Variants in GABRA2 observed in about 807,000 individuals in gnomAD.
The protein encoded by GABRA2 is gamma-aminobutyric acid receptor subunit alpha-2.
Under a neutral mutation model 48.7 loss-of-function variants are expected in GABRA2, and 16 were observed. That is an observed-to-expected ratio of 0.33 (90% CI 0.22 to 0.50). The LOEUF is 0.50. Ranked by LOEUF, GABRA2 falls within the 20% of genes least tolerant of loss-of-function variation. The pLI is 0.98. For missense variants in GABRA2, 275 were observed against 535.6 expected (o/e 0.51, Z 4.80); for synonymous variants, 185 against 184.5 (o/e 1.00, Z -0.02).
At chr4:46,289,700 T>C (rs533933667) in intron 8 of GABRA2, among the ~76,000 whole-genome samples, 7 of 152,206 alleles carry the variant, frequency 4.6e-5, no homozygotes, top group Non-Finnish European at 1.0e-4. Context: ...TGAACATAAA[T>C]AAAAGTTACA....
At chr4:46,337,594 A>G (rs1732473670) in intron 3 of GABRA2, among the ~76,000 whole-genome samples, 1 of 151,508 alleles carries the variant, frequency 6.6e-6, no homozygotes, top group Admixed American at 6.6e-5. Flanking sequence ...GCAAGCCGAG[A>G]CAAAGTAGAC....
intron 3 of GABRA2, among the ~76,000 whole-genome samples, chr4:46,369,587 G>A (rs1714573484): frequency 1.3e-5 from 2 of 152,020 alleles, no homozygotes; most frequent in East Asian, 1.9e-4. Flanking sequence ...TATGAGTTTA[G>A]TTCCTAGAAA....
chr4:46,388,065 G>GA (rs554979363), intron 2 of GABRA2, among the ~76,000 whole-genome samples: 6 of 151,952 alleles, frequency 3.9e-5, no homozygotes, highest in African/African-American at 1.4e-4. Context: ...AAGCATTTGA[G>GA]AAAAAAATCT....
chr4:46,383,199 T>C (rs1362893803), intron 3 of GABRA2, among the ~76,000 whole-genome samples: 2 of 152,292 alleles, frequency 1.3e-5, no homozygotes, highest in African/African-American at 4.8e-5. Context: ...ATATATTATA[T>C]TTAATATTCA....
chr4:46,370,591 T>C (rs2109997528), intron 3 of GABRA2, among the ~76,000 whole-genome samples: 1 of 152,242 alleles, frequency 6.6e-6, no homozygotes, highest in South Asian at 2.1e-4. Flanking sequence ...ATGCATTCAT[T>C]ACTATCTTAC....
intron 3 of GABRA2, among the ~76,000 whole-genome samples, chr4:46,357,283 G>A (rs1405217762): frequency 2.0e-5 from 3 of 151,328 alleles, no homozygotes; most frequent in African/African-American, 4.9e-5. Context: ...ATCTCTGGAA[G>A]TCTGCTTTCT....
rs533555973 is a variant in GABRA2 at position 46,249,204 on chromosome 4, A to G, written c.*1104T>C. ...TCAGCGAAATTTAAAGTTGCAATTT[A>G]CAAAAGCAGATTTACATTAATTCTT... On this transcript the variant is annotated 3_prime_UTR_variant, in exon 10 of 10. Transcript: ENST00000381620. 4 of 151,532 alleles carry G rather than the reference A, an allele frequency of 2.6e-5. No individual in the cohort carries two copies. Among genetic ancestry groups the G allele is most frequent in the Non-Finnish European group, 5.9e-5 (4 of 67,692 alleles). 9.4% of individuals were successfully genotyped at this position (151,532 alleles called of 1,614,324 possible).
chr4:46,316,589 A>G (rs1728593912), intron 4 of GABRA2, among the ~76,000 whole-genome samples: 1 of 151,978 alleles, frequency 6.6e-6, no homozygotes, highest in Non-Finnish European at 1.5e-5. Context: ...TGGTGTGTAA[A>G]TTTATATTCT....
intron 3 of GABRA2, among the ~76,000 whole-genome samples, chr4:46,377,765 G>A (rs9684420): frequency 0.23 from 22,150 of 98,174 alleles, 2,362 homozygotes; most frequent in African/African-American, 0.26. Flanking sequence ...CAGCCGCCCC[G>A]TCCGGGAAGT....
intron 3 of GABRA2, among the ~76,000 whole-genome samples, chr4:46,355,720 G>A (rs1267024467): frequency 1.3e-5 from 2 of 152,086 alleles, no homozygotes; most frequent in African/African-American, 4.8e-5. Flanking sequence ...CCTTATCAGA[G>A]CTGGAGGAAA....
At chr4:46,275,001 T>C (rs573012323) in intron 8 of GABRA2, among the ~76,000 whole-genome samples, 5 of 152,188 alleles carry the variant, frequency 3.3e-5, no homozygotes, top group Admixed American at 6.6e-5. Context: ...CTAGGAAGCA[T>C]TGGGCAGTTT....
chr4:46,368,294 G>A (rs1391656200), intron 3 of GABRA2: 2 of 152,116 alleles, frequency 1.3e-5, no homozygotes, highest in Non-Finnish European at 2.9e-5. Context: ...AGAACAATGG[G>A]GGACAGAGGC....
chr4:46,387,561 A>C (rs1717639562), intron 2 of GABRA2, among the ~76,000 whole-genome samples: 2 of 152,150 alleles, frequency 1.3e-5, no homozygotes, highest in South Asian at 4.1e-4. Flanking sequence ...TACTTAAGCT[A>C]ATTTTAAAAC....
intron 6 of GABRA2, 124 bp downstream of exon 6, chr4:46,310,049 C>T (rs756485271): frequency 6.2e-6 from 4 of 642,502 alleles, no homozygotes; most frequent in African/African-American, 1.8e-5. Context: ...GCTTTTACTT[C>T]CAAGTCTTAT....
Position 46,249,277 on chromosome 4 carries a change from C to T in GABRA2, c.*1031G>A, listed in dbSNP as rs959517348. 2 of 151,346 alleles carry T rather than the reference C, an allele frequency of 1.3e-5. No individual in the cohort carries two copies. Among genetic ancestry groups the T allele is most frequent in the Non-Finnish European group, 3.0e-5 (2 of 67,662 alleles). 9.4% of individuals were successfully genotyped at this position (151,346 alleles called of 1,614,324 possible). ...AGAGAAAAATGTGCCAATTAACTGC[C>T]CTTTCCTTTATAATTAGTGGCTTCT... On this transcript the variant is annotated 3_prime_UTR_variant, in exon 10 of 10. Transcript: ENST00000381620.
chr4:46,265,985 T>C (rs1053508559), intron 8 of GABRA2, among the ~76,000 whole-genome samples: 6 of 151,958 alleles, frequency 3.9e-5, no homozygotes, highest in Admixed American at 2.0e-4. Flanking sequence ...CAAATTGTCT[T>C]TTTTATTGAT....
At chr4:46,295,744 C>G (rs1209531019) in intron 8 of GABRA2, among the ~76,000 whole-genome samples, 1 of 152,192 alleles carries the variant, frequency 6.6e-6, no homozygotes, top group Admixed American at 6.5e-5. Flanking sequence ...GCCCACCTAC[C>G]TGGTGGCAGT....
At position 46,338,785 on chromosome 4, in the gene GABRA2, G is replaced by A. The variant is rs185173826; in HGVS notation, c.188-6103C>T. ...TAATTCTCAGGCTATTATTTTCTAT[G>A]GCTAATGTCTCCTACCCATTTCTGA... On this transcript the variant is annotated intron_variant, in intron 3 of 9. Transcript: ENST00000381620. Among the ~76,000 whole-genome samples, 83 of 151,812 alleles carry A rather than the reference G, an allele frequency of 5.5e-4. 1 individual carries two copies. The highest frequency in any genetic ancestry group is 2.0e-3 in the African/African-American group (81 of 41,476).
chr4:46,261,564 G>A, intron 9 of GABRA2: 1 of 341,694 alleles, frequency 2.9e-6, no homozygotes, highest in Non-Finnish European at 5.4e-6. Context: ...AACAAGTTGT[G>A]TAAGCTTGGG....
Sources: gnomAD v4.1 joint callset for allele counts (sites outside exome capture counted in the v4.1 genomes callset) on GRCh38, gnomAD v4.1.1 for gene constraint, MANE v1.5 for transcripts, NCBI Gene and HGNC (gene_info 2026-07-23, HGNC 2026-07-21) for gene names.